The following JAK1 variants were observed in gnomAD, a reference collection of about 807,000 sequenced individuals.
The protein encoded by JAK1 is Janus kinase 1, also known as tyrosine-protein kinase JAK1.
Under a neutral mutation model 136.6 loss-of-function variants are expected in JAK1, and 16 were observed. The ratio of observed to expected loss-of-function variants is 0.12; its 90% CI spans 0.08 to 0.18. The LOEUF (loss-of-function observed/expected upper bound fraction) is 0.18, where lower values mean the gene tolerates loss of function less well. Among genes scored for constraint, JAK1 ranks in the 10% least tolerant of loss-of-function variants. JAK1 has a pLI of 1.00. For synonymous variants in JAK1, 492 were observed against 519.5 expected (o/e 0.95, Z 0.72); for missense variants, 859 against 1,450.1 (o/e 0.59, Z 6.62).
intron 2 of JAK1, among the ~76,000 whole-genome samples, chr1:65,043,014 C>CA (rs1039997821): frequency 6.6e-5 from 10 of 152,244 alleles, no homozygotes; most frequent in African/African-American, 2.4e-4. Flanking sequence ...TTGGAAATGA[C>CA]AAACCAACCC....
intron 1 of JAK1, among the ~76,000 whole-genome samples, chr1:64,911,145 A>G (rs1232084113): frequency 6.6e-6 from 1 of 152,196 alleles, no homozygotes; most frequent in Non-Finnish European, 1.5e-5. Context: ...AATTCACATA[A>G]AATTGAAGAA....
At chr1:65,020,178 TC>T (rs1303207398) in intron 2 of JAK1, among the ~76,000 whole-genome samples, 1 of 129,804 alleles carries the variant, frequency 7.7e-6, no homozygotes, top group Non-Finnish European at 1.5e-5. Context: ...TGAGCTGAGA[TC>T]ACGCCATTGC....
chr1:64,965,690 G>T (rs1218803638), intron 1 of JAK1, among the ~76,000 whole-genome samples: 1 of 152,044 alleles, frequency 6.6e-6, no homozygotes, highest in Non-Finnish European at 1.5e-5. Context: ...CCCTTCCCTG[G>T]TCCTCTCGCC....
intron 2 of JAK1, among the ~76,000 whole-genome samples, chr1:65,005,093 T>G (rs1646792908): frequency 6.6e-6 from 1 of 152,112 alleles, no homozygotes; most frequent in Admixed American, 6.6e-5. Context: ...GAATCTGAAC[T>G]CAAGAAACAA....
chr1:64,836,508 C>T (rs561389920), intron 22 of JAK1, among the ~76,000 whole-genome samples: 17 of 151,894 alleles, frequency 1.1e-4, no homozygotes, highest in Non-Finnish European at 2.1e-4. Context: ...AGGAGGTGGC[C>T]GTGTAATGAT....
chr1:65,063,563 G>C (rs1440887381), intron 1 of JAK1, among the ~76,000 whole-genome samples: 1 of 152,152 alleles, frequency 6.6e-6, no homozygotes, highest in African/African-American at 2.4e-5. Context: ...CAGCAGTTTG[G>C]GAGGCCAAGG....
At chr1:64,842,904 A>G (rs572443917) in intron 17 of JAK1, among the ~76,000 whole-genome samples, 33 of 152,224 alleles carry the variant, frequency 2.2e-4, no homozygotes, top group African/African-American at 7.0e-4. Flanking sequence ...TACCTCTTCA[A>G]TATCTCCCAC....
At chr1:64,945,867 A>C (rs911144111) in intron 1 of JAK1, among the ~76,000 whole-genome samples, 1 of 151,764 alleles carries the variant, frequency 6.6e-6, no homozygotes, top group Non-Finnish European at 1.5e-5. Flanking sequence ...TAGCTGGGAT[A>C]CTCCTGAGTA....
chr1:64,853,316 G>A (rs533293297), intron 11 of JAK1, among the ~76,000 whole-genome samples: 1 of 152,300 alleles, frequency 6.6e-6, no homozygotes, highest in Admixed American at 6.5e-5. Flanking sequence ...GTCCTAGGCT[G>A]ATGGCTGCAC....
chr1:65,047,186 ATTT>A (rs1247124174), intron 1 of JAK1, among the ~76,000 whole-genome samples: 1 of 151,836 alleles, frequency 6.6e-6, no homozygotes, highest in African/African-American at 2.4e-5. Flanking sequence ...TCTCCAAAAA[ATTT>A]TTTTTGTTTC....
chr1:64,893,538 G>A (rs981231482), intron 1 of JAK1, among the ~76,000 whole-genome samples: 2 of 152,164 alleles, frequency 1.3e-5, no homozygotes, highest in South Asian at 2.1e-4. Flanking sequence ...AACCTCTGTT[G>A]AGTTTGTTTC....
At position 64,947,180 on chromosome 1, in the gene JAK1, T is replaced by C. The variant is rs117762716; in HGVS notation, c.-78+19153A>G. Among the ~76,000 whole-genome samples the C allele has an allele frequency of 1.2e-3, 177 of 152,324 alleles. 4 individuals carry two copies. The East Asian group carries it at 0.025, about 21-fold the overall frequency. On this transcript the variant is annotated intron_variant, in intron 1 of 24. Transcript: ENST00000342505. ...ACTTAACACTACTGAACTGTAAGCT[T>C]AAAAATGGCTCACATGGTAAATTTT...
intron 7 of JAK1, among the ~76,000 whole-genome samples, chr1:64,865,553 C>T (rs1656646127): frequency 6.6e-6 from 1 of 152,152 alleles, no homozygotes; most frequent in East Asian, 1.9e-4. Flanking sequence ...CCTGCCTCTG[C>T]CAATTACTTA....
intron 12 of JAK1, 54 bp from the exon 13 acceptor site, chr1:64,847,729 C>A: frequency 6.3e-7 from 1 of 1,591,128 alleles, no homozygotes; most frequent in East Asian, 2.2e-5. Flanking sequence ...AAGTGATGGA[C>A]CGTCTGGGAA....
intron 4 of JAK1, among the ~76,000 whole-genome samples, chr1:64,878,559 GTGTATATATATATATATATATATATA>G (rs1247891841): frequency 3.3e-4 from 26 of 79,258 alleles, no homozygotes; most frequent in African/African-American, 1.2e-3. Context: ...TATATATAGT[GTGTATATATATATATATATATATATA>G]TATATATATA....
chr1:65,057,337 C>T (rs495588), intron 1 of JAK1, among the ~76,000 whole-genome samples: 10,929 of 152,232 alleles, frequency 0.072, 665 homozygotes, highest in East Asian at 0.31. Flanking sequence ...CTGGGTTCTC[C>T]AATAACCACC....
intron 19 of JAK1, among the ~76,000 whole-genome samples, chr1:64,840,289 T>C (rs562597010): frequency 5.6e-4 from 86 of 152,266 alleles, no homozygotes; most frequent in Middle Eastern, 3.4e-3. Context: ...ATACAGAAAC[T>C]GGCCTCGGGG....
intron 1 of JAK1, among the ~76,000 whole-genome samples, chr1:65,065,964 T>A (rs929275214): frequency 1.2e-4 from 18 of 150,776 alleles, no homozygotes; most frequent in African/African-American, 4.4e-4. Flanking sequence ...CCAAAACATC[T>A]GCAGATCACA....
chr1:64,840,285 A>C (rs887070021), intron 19 of JAK1, among the ~76,000 whole-genome samples: 3 of 152,178 alleles, frequency 2.0e-5, no homozygotes, highest in African/African-American at 7.2e-5. Flanking sequence ...CTGCATACAG[A>C]AACTGGCCTC....
Sources: gnomAD v4.1 joint callset for allele counts (sites outside exome capture counted in the v4.1 genomes callset) on GRCh38, gnomAD v4.1.1 for gene constraint, MANE v1.5 for transcripts, NCBI Gene and HGNC (gene_info 2026-07-23, HGNC 2026-07-21) for gene names.